Variants in FRAS1 observed in about 807,000 individuals in gnomAD.
FRAS1 encodes extracellular matrix organizing protein FRAS1.
A neutral mutation model predicts 435.2 loss-of-function variants in FRAS1; 290 were observed. That is an observed-to-expected ratio of 0.67 (90% confidence interval 0.61 to 0.73). The LOEUF (loss-of-function observed/expected upper bound fraction) is 0.73, where lower values mean the gene tolerates loss of function less well. FRAS1 is among the 30% of genes least tolerant of loss of function. The pLI is 0.00. For synonymous variants in FRAS1, 1,800 were observed against 1,851.0 expected, an observed-to-expected ratio of 0.97 and a Z score of 0.71; for missense variants, 4,860 against 5,001.5, an observed-to-expected ratio of 0.97 and a Z score of 0.85.
intron 61 of FRAS1, among the ~76,000 whole-genome samples, chr4:78,501,142 T>C (rs967181872): frequency 1.3e-5 from 2 of 152,134 alleles, no homozygotes; most frequent in African/African-American, 2.4e-5. Context: ...ACAGGCCCCA[T>C]TGTGTGATGT....
At chr4:78,215,661 T>C (rs984204406) in intron 2 of FRAS1, among the ~76,000 whole-genome samples, 3 of 152,244 alleles carry the variant, frequency 2.0e-5, no homozygotes, top group Non-Finnish European at 4.4e-5. Flanking sequence ...TCTCGCTTTA[T>C]GAATTTTACT....
At chr4:78,089,817 C>G (rs772707910) in intron 2 of FRAS1, among the ~76,000 whole-genome samples, 8 of 152,022 alleles carry the variant, frequency 5.3e-5, no homozygotes, top group Non-Finnish European at 1.0e-4. Flanking sequence ...ATAGAGAAAT[C>G]GTGTCATGGG....
rs145463434 is a variant in FRAS1 at position 78,303,435 on chromosome 4, A to T, written c.1535-4631A>T. ...TTGATGGGGATGGCATTGAATCTGTAAATTACGTTGGGCAGTATGGCTATT... is the reference window on the plus strand; with the variant it reads ...TTGATGGGGATGGCATTGAATCTGTTAATTACGTTGGGCAGTATGGCTATT... On this transcript the variant is annotated intron_variant, in intron 14 of 73. Coordinates refer to ENST00000512123, the MANE Select transcript of FRAS1 (RefSeq NM_025074.7). Among the ~76,000 whole-genome samples, 1,449 of 152,242 alleles carry T rather than the reference A, an allele frequency of 9.5e-3. 14 individuals carry two copies. The highest frequency in any genetic ancestry group is 0.033 in the African/African-American group (1,385 of 41,526).
At chr4:78,239,164 T>G (rs1724891144) in intron 3 of FRAS1, among the ~76,000 whole-genome samples, 1 of 152,170 alleles carries the variant, frequency 6.6e-6, no homozygotes. Context: ...CCATCTTTGT[T>G]ATATATCAAA....
chr4:78,075,376 A>G (rs1256057705), intron 2 of FRAS1, among the ~76,000 whole-genome samples: 2 of 152,138 alleles, frequency 1.3e-5, no homozygotes, highest in Non-Finnish European at 2.9e-5. Context: ...CAGCACAGGA[A>G]CTGACCTTCC....
chr4:78,205,258 G>C (rs1359359906), intron 2 of FRAS1, among the ~76,000 whole-genome samples: 1 of 149,960 alleles, frequency 6.7e-6, no homozygotes, highest in Admixed American at 6.7e-5. Flanking sequence ...CTGGAGTGCA[G>C]TGCTGTGATC....
At chr4:78,319,627 TA>T (rs1729420231) in intron 18 of FRAS1, 4 of 280,408 alleles carry the variant, frequency 1.4e-5, no homozygotes, top group African/African-American at 4.4e-5. Flanking sequence ...ATATGTTCAT[TA>T]AAAAAATTTT....
intron 18 of FRAS1, among the ~76,000 whole-genome samples, chr4:78,330,584 G>A (rs1729906553): frequency 7.2e-6 from 1 of 139,646 alleles, no homozygotes; most frequent in Non-Finnish European, 1.5e-5. Context: ...ATGCGCGCCT[G>A]GGGGGTCTCT....
chr4:78,145,493 A>G (rs916290698), intron 2 of FRAS1, among the ~76,000 whole-genome samples: 2 of 151,664 alleles, frequency 1.3e-5, no homozygotes, highest in Non-Finnish European at 2.9e-5. Flanking sequence ...AGATACTTCA[A>G]AATTATTTAT....
chr4:78,100,817 A>G (rs934348801), intron 2 of FRAS1, among the ~76,000 whole-genome samples: 2 of 152,152 alleles, frequency 1.3e-5, no homozygotes, highest in African/African-American at 4.8e-5. Context: ...TATTATCCCT[A>G]TTTTACAATC....
In FRAS1 at chr4:78,497,046, A is replaced by G. The variant is rs1720527001; in HGVS notation, c.9115+85A>G. On this transcript the variant is annotated intron_variant, in intron 60 of 73. Coordinates refer to ENST00000512123, the MANE Select transcript of FRAS1 (RefSeq NM_025074.7). ...ACTAATTATTAGTGTTTTGAAAAAT[A>G]AAAGTGCTTTAAGAATGCCTACTGA... 20 of 1,148,976 alleles carry G rather than the reference A, an allele frequency of 1.7e-5. 1 individual carries two copies. The South Asian group carries it at 2.1e-4, about 12-fold the overall frequency. The allele number at this position is 1,148,976 out of a possible 1,614,324, so 71.2% of individuals were successfully genotyped here.
intron 21 of FRAS1, 121 bp downstream of exon 21, chr4:78,363,786 G>T (rs1470801187): frequency 2.1e-6 from 3 of 1,420,474 alleles, no homozygotes; most frequent in African/African-American, 1.4e-5. Flanking sequence ...CCACTTCCAT[G>T]GGACTGTAAA....
intron 45 of FRAS1, among the ~76,000 whole-genome samples, chr4:78,451,471 C>T (rs7678622): frequency 6.6e-6 from 1 of 152,072 alleles, no homozygotes; most frequent in Non-Finnish European, 1.5e-5. Context: ...TTGTGGATCT[C>T]GTTTTCATGA....
At chr4:78,283,230 CT>C (rs773131367) in intron 12 of FRAS1, among the ~76,000 whole-genome samples, 1 of 152,124 alleles carries the variant, frequency 6.6e-6, no homozygotes, top group African/African-American at 2.4e-5. Flanking sequence ...TAAAATATGC[CT>C]TATGTATCTT....
At chr4:78,207,246 T>C (rs1274610295) in intron 2 of FRAS1, among the ~76,000 whole-genome samples, 1 of 152,214 alleles carries the variant, frequency 6.6e-6, no homozygotes, top group Non-Finnish European at 1.5e-5. Flanking sequence ...TGTTGTTTTC[T>C]TTTGGAGACT....
Position 78,247,969 on chromosome 4 carries a change from A to G in FRAS1, c.309+2644A>G, listed in dbSNP as rs547240138. 2.4e-3 allele frequency among the ~76,000 whole-genome samples: 366 copies of G among 152,272 alleles called. 2 individuals are homozygous for G. The highest frequency in any genetic ancestry group is 8.4e-3 in the African/African-American group (350 of 41,558). The stretch of plus-strand genomic sequence containing the variant: ...CCGGAGAATATGGTTCAAATAAAGG[A>G]AAGTGAAGGACTGGCTGAGCTAAGG... On this transcript the variant is annotated intron_variant, in intron 4 of 73. Coordinates refer to ENST00000512123, the MANE Select transcript of FRAS1 (RefSeq NM_025074.7).
At chr4:78,163,022 C>T (rs990739365) in intron 2 of FRAS1, among the ~76,000 whole-genome samples, 1 of 152,166 alleles carries the variant, frequency 6.6e-6, no homozygotes, top group Non-Finnish European at 1.5e-5. Flanking sequence ...GGGCTAGACG[C>T]CTTCAGTGTT....
At chr4:78,096,920 T>G (rs1005219425) in intron 2 of FRAS1, among the ~76,000 whole-genome samples, 2 of 152,260 alleles carry the variant, frequency 1.3e-5, no homozygotes, top group East Asian at 3.8e-4. Flanking sequence ...CTTGAATTTC[T>G]CCTCAGAAAA....
chr4:78,260,841 T>A (rs1046153362), intron 6 of FRAS1, among the ~76,000 whole-genome samples: 2 of 152,226 alleles, frequency 1.3e-5, no homozygotes, highest in Non-Finnish European at 1.5e-5. Context: ...GTTGTGGATG[T>A]TTCTTTACCT....
Sources: allele counts gnomAD v4.1 joint callset (sites outside exome capture counted in the v4.1 genomes callset), GRCh38; gene constraint gnomAD v4.1.1; transcripts MANE v1.5; gene names NCBI Gene and HGNC (gene_info 2026-07-23, HGNC 2026-07-21).